CDK6: variants seen among roughly 807,000 people sequenced by gnomAD.
CDK6 encodes the protein cyclin dependent kinase 6.
CDK6 carries 6 observed loss-of-function variants against 37.1 expected under a neutral mutation model. The ratio of observed to expected loss-of-function variants is 0.16; its 90% CI spans 0.09 to 0.32. The LOEUF (loss-of-function observed/expected upper bound fraction) is 0.32, where lower values mean the gene tolerates loss of function less well. Ranked by LOEUF, CDK6 falls within the 10% of genes least tolerant of loss-of-function variation. The pLI, the probability that CDK6 is intolerant of heterozygous loss-of-function variation, is 1.00. For synonymous variants in CDK6, 160 were observed against 161.3 expected (o/e 0.99, Z 0.06); for missense variants, 224 against 418.9 (o/e 0.53, Z 4.06).
At chr7:92,712,156 T>TC (rs1011642155) in intron 4 of CDK6, among the ~76,000 whole-genome samples, 1 of 141,688 alleles carries the variant, frequency 7.1e-6, no homozygotes, top group African/African-American at 2.8e-5. Flanking sequence ...CAAGACTCCG[T>TC]CCCAAAAAAA....
intron 3 of CDK6, among the ~76,000 whole-genome samples, chr7:92,754,399 G>C (rs1446291626): frequency 6.6e-6 from 1 of 152,126 alleles, no homozygotes; most frequent in Non-Finnish European, 1.5e-5. Context: ...GAAAGTTCCA[G>C]GTCTACATAA....
chr7:92,768,788 C>T (rs538826706), intron 3 of CDK6, among the ~76,000 whole-genome samples: 1 of 152,168 alleles, frequency 6.6e-6, no homozygotes, highest in Non-Finnish European at 1.5e-5. Context: ...TTCAAGCCTG[C>T]CTTGTTTTCT....
At chr7:92,640,348 T>C (rs1318371657) in intron 5 of CDK6, among the ~76,000 whole-genome samples, 1 of 152,230 alleles carries the variant, frequency 6.6e-6, no homozygotes, top group Non-Finnish European at 1.5e-5. Flanking sequence ...TTTCTCTTTA[T>C]CATTTACTTT....
chr7:92,783,363 G>T (rs1246339350), intron 2 of CDK6, among the ~76,000 whole-genome samples: 2 of 152,200 alleles, frequency 1.3e-5, no homozygotes, highest in South Asian at 2.1e-4. Context: ...TTGCTGAAAA[G>T]TGGAAAAGGA....
chr7:92,654,752 C>T (rs1796652860), intron 5 of CDK6, among the ~76,000 whole-genome samples: 2 of 152,084 alleles, frequency 1.3e-5, no homozygotes, highest in Non-Finnish European at 2.9e-5. Flanking sequence ...CCGAAGTCAA[C>T]CTTGTGTTTC....
intron 4 of CDK6, among the ~76,000 whole-genome samples, chr7:92,703,678 G>A (rs779963733): frequency 6.6e-5 from 10 of 152,178 alleles, no homozygotes; most frequent in African/African-American, 1.7e-4. Flanking sequence ...AGACTTAGAT[G>A]TAACTAGATT....
At chr7:92,817,180 C>T (rs2189040) in intron 2 of CDK6, among the ~76,000 whole-genome samples, 10,538 of 151,838 alleles carry the variant, frequency 0.069, 411 homozygotes, top group African/African-American at 0.1. Context: ...AAACACTTCT[C>T]AACTCGTTTT....
intron 3 of CDK6, among the ~76,000 whole-genome samples, chr7:92,767,356 T>C (rs1799608597): frequency 6.6e-6 from 1 of 152,228 alleles, no homozygotes; most frequent in South Asian, 2.1e-4. Flanking sequence ...GAATGAAAGA[T>C]ACTTGAAAGC....
intron 4 of CDK6, among the ~76,000 whole-genome samples, chr7:92,684,821 T>C (rs1314318419): frequency 6.6e-6 from 1 of 152,190 alleles, no homozygotes; most frequent in Admixed American, 6.5e-5. Context: ...CTAAATACTA[T>C]GACCCACCAT....
intron 3 of CDK6, among the ~76,000 whole-genome samples, chr7:92,748,501 T>G (rs1408320758): frequency 6.6e-6 from 1 of 152,218 alleles, no homozygotes; most frequent in Non-Finnish European, 1.5e-5. Context: ...CTCCATCCTT[T>G]ATATCATAGA....
chr7:92,749,698 A>C (rs550687561), intron 3 of CDK6, among the ~76,000 whole-genome samples: 1 of 152,316 alleles, frequency 6.6e-6, no homozygotes, highest in African/African-American at 2.4e-5. Context: ...AAGTTTTTGA[A>C]GGCATTCTGC....
chr7:92,629,379 T>A (rs1162469588), intron 5 of CDK6, among the ~76,000 whole-genome samples: 2 of 151,898 alleles, frequency 1.3e-5, no homozygotes, highest in Non-Finnish European at 2.9e-5. Flanking sequence ...TTTACTGGAC[T>A]ATGAGTAACT....
chr7:92,725,095 A>G (rs1798479363), intron 4 of CDK6: 2 of 985,338 alleles, frequency 2.0e-6, no homozygotes, highest in South Asian at 4.7e-5. Context: ...TCAGGGTTAT[A>G]TGAGCCTTCA....
At chr7:92,803,707 T>A (rs1800651278) in intron 2 of CDK6, among the ~76,000 whole-genome samples, 1 of 152,126 alleles carries the variant, frequency 6.6e-6, no homozygotes, top group African/African-American at 2.4e-5. Context: ...GAAGGCATCA[T>A]ATGAACTGGA....
At chr7:92,796,209 T>A (rs554288461) in intron 2 of CDK6, among the ~76,000 whole-genome samples, 1 of 151,862 alleles carries the variant, frequency 6.6e-6, no homozygotes, top group African/African-American at 2.4e-5. Context: ...TAAATATATA[T>A]TTATACAATT....
chr7:92,723,040 C>G (rs1798403512), intron 4 of CDK6, among the ~76,000 whole-genome samples: 1 of 151,858 alleles, frequency 6.6e-6, no homozygotes, highest in African/African-American at 2.4e-5. Context: ...CAAAAATTAG[C>G]CTGGGGTGGC....
At chr7:92,681,747 T>G (rs1426949636) in intron 4 of CDK6, among the ~76,000 whole-genome samples, 3 of 152,160 alleles carry the variant, frequency 2.0e-5, no homozygotes, top group African/African-American at 7.2e-5. Context: ...TCTTTTAAAT[T>G]ATTGCTTAAT....
At chr7:92,750,278 C>T (rs1489168565) in intron 3 of CDK6, among the ~76,000 whole-genome samples, 1 of 152,128 alleles carries the variant, frequency 6.6e-6, no homozygotes, top group Admixed American at 6.5e-5. Flanking sequence ...TCTTCGGGAC[C>T]CACTTCCTTA....
intron 5 of CDK6, among the ~76,000 whole-genome samples, chr7:92,639,774 A>G (rs1418731369): frequency 5.3e-5 from 8 of 152,222 alleles, no homozygotes; most frequent in Non-Finnish European, 8.8e-5. Flanking sequence ...AAGCTGGAAT[A>G]AAAACCACAA....
Sources: allele counts gnomAD v4.1 joint callset (sites outside exome capture counted in the v4.1 genomes callset), GRCh38; gene constraint gnomAD v4.1.1; transcripts MANE v1.5; gene names NCBI Gene and HGNC (gene_info 2026-07-23, HGNC 2026-07-21).